ARHGAP22: variants seen among roughly 807,000 people sequenced by gnomAD.
ARHGAP22 encodes Rho GTPase activating protein 22, also known as rho GTPase-activating protein 22.
Under a neutral mutation model 59.1 loss-of-function variants are expected in ARHGAP22, and 48 were observed. The ratio of observed to expected loss-of-function variants is 0.81; its 90% CI spans 0.64 to 1.03. The LOEUF (loss-of-function observed/expected upper bound fraction) is 1.03. Ranked by LOEUF, ARHGAP22 falls within the 50% of genes least tolerant of loss-of-function variation. ARHGAP22 has a pLI of 0.00. For missense variants in ARHGAP22, 1,015 were observed against 958.7 expected (o/e 1.06, Z -0.78); for synonymous variants, 445 against 416.4 (o/e 1.07, Z -0.84).
At chr10:48,648,927 G>T (rs2062432785) in intron 1 of ARHGAP22, among the ~76,000 whole-genome samples, 2 of 152,188 alleles carry the variant, frequency 1.3e-5, no homozygotes, top group Admixed American at 1.3e-4. Context: ...GTGCTGATTG[G>T]ATTTAGGTTG....
upstream of ARHGAP22, among the ~76,000 whole-genome samples, chr10:48,605,426 A>C (rs12766768): frequency 0.021 from 3,128 of 151,092 alleles, 57 homozygotes; most frequent in South Asian, 0.069. Flanking sequence ...AGGAGCAAGC[A>C]GCCCGGCAAT....
chr10:48,463,147 C>CAATT, intron 4 of ARHGAP22, among the ~76,000 whole-genome samples: 1 of 152,326 alleles, frequency 6.6e-6, no homozygotes, highest in Admixed American at 6.5e-5. Flanking sequence ...AAAAAAGCAA[C>CAATT]AATTGCAGAG....
intron 1 of ARHGAP22, among the ~76,000 whole-genome samples, chr10:48,647,847 T>C (rs764655595): frequency 1.3e-5 from 2 of 152,156 alleles, no homozygotes; most frequent in Non-Finnish European, 2.9e-5. Context: ...GGAGTATTAC[T>C]CAGCTACAAA....
chr10:48,434,957 A>G, the ARHGAP22 span: 2 of 1,604,020 alleles, frequency 1.2e-6, no homozygotes, highest in East Asian at 2.3e-5. Flanking sequence ...CAATGTCAAC[A>G]GATCCGACTT....
rs138198691 is a variant in ARHGAP22, at chr10:48,453,241, G to A, written c.988+63C>T. The A allele has an allele frequency of 9.3e-4, 1,496 of 1,604,722 alleles. 12 individuals carry two copies. The African/African-American group carries it at 0.016, about 17-fold the overall frequency. ...GCTGGGATGGTTCCAAGGACTTGCC[G>A]TGGACCAAGATGAGCCCAGACCCCG... On this transcript the variant is annotated intron_variant, in intron 8 of 9. Transcript: ENST00000249601.
chr10:48,508,626 C>G (rs570716433), intron 3 of ARHGAP22, among the ~76,000 whole-genome samples: 1 of 152,252 alleles, frequency 6.6e-6, no homozygotes, highest in Non-Finnish European at 1.5e-5. Flanking sequence ...TCATCAAACC[C>G]TTTGAACAGA....
intron 2 of ARHGAP22, among the ~76,000 whole-genome samples, chr10:48,568,349 T>C (rs1262450383): frequency 7.9e-5 from 12 of 152,206 alleles, no homozygotes. Flanking sequence ...CATGAGATCC[T>C]GGGAGTTTGC....
chr10:48,449,734 C>T (rs1265077769), intron 9 of ARHGAP22, among the ~76,000 whole-genome samples: 1 of 152,218 alleles, frequency 6.6e-6, no homozygotes, highest in Non-Finnish European at 1.5e-5. Context: ...AGATTGTAAG[C>T]CTCAGGGTGC....
At chr10:48,540,819 C>G (rs1365564829) in intron 3 of ARHGAP22, among the ~76,000 whole-genome samples, 1 of 152,008 alleles carries the variant, frequency 6.6e-6, no homozygotes, top group African/African-American at 2.4e-5. Context: ...TTATCACGCA[C>G]TTTTAAAGAA....
chr10:48,480,021 T>C (rs904986577), intron 3 of ARHGAP22, among the ~76,000 whole-genome samples: 1 of 152,192 alleles, frequency 6.6e-6, no homozygotes, highest in Non-Finnish European at 1.5e-5. Flanking sequence ...TTTAATGCAC[T>C]CCAGGACACT....
intron 1 of ARHGAP22, among the ~76,000 whole-genome samples, chr10:48,634,281 C>A (rs74130600): frequency 0.024 from 3,629 of 152,240 alleles, 141 homozygotes; most frequent in African/African-American, 0.083. Context: ...TAGCTGTGAG[C>A]TTTTGGCAAG....
chr10:48,431,326 T>G, the ARHGAP22 span: 6 of 1,159,306 alleles, frequency 5.2e-6, no homozygotes, highest in Non-Finnish European at 7.7e-6. Flanking sequence ...TGTTGTAATC[T>G]TCAGTGGCCT....
At position 48,604,779 on chromosome 10, in the gene ARHGAP22, G is replaced by T; in HGVS notation, c.18C>A (p.Ile6=). 2 of 1,614,242 alleles carry T rather than the reference G, an allele frequency of 1.2e-6. No homozygotes were observed. The highest frequency in any genetic ancestry group is 1.1e-5 in the South Asian group (1 of 91,086). Residue 6 remains isoleucine, a synonymous_variant, in exon 1 of 10, where the codon ATC becomes ATA. Transcript: ENST00000249601. ...TGGACTTACCCCTCCTGGCCTGCCT[G>T]ATCTTTGGGCTCAGCATGTTCTTGC... MLSPK[I]RQARRARSKS...
chr10:48,450,598 C>T lies in ARHGAP22; in HGVS notation c.1531G>A (p.Ala511Thr), dbSNP rs1244368791. 6.5e-7 allele frequency: 1 copy of T among 1,546,714 alleles called. No individual in the cohort carries two copies. Reference sequence around the variant, plus strand: ...TCGCTGGACGAGGCCCCGGACCACGCCATACTGGCCACGCTGGGTATGCCG... The same window carrying T: ...TCGCTGGACGAGGCCCCGGACCACGTCATACTGGCCACGCTGGGTATGCCG... ...VPGIPSVASMAWSGASSSESS... is the reference protein window; with the variant it reads ...VPGIPSVASMTWSGASSSESS... The change falls in exon 9 of 10, where the codon GCG becomes ACG. Residue 511 changes from alanine to threonine, a missense_variant. Physicochemically the swap from Ala to Thr is moderately conservative, Grantham distance 58. Coordinates refer to ENST00000249601, the MANE Select transcript of ARHGAP22 (RefSeq NM_021226.4).
intron 1 of ARHGAP22, among the ~76,000 whole-genome samples, chr10:48,618,276 T>C (rs1407741844): frequency 6.6e-6 from 1 of 151,850 alleles, no homozygotes; most frequent in Non-Finnish European, 1.5e-5. Flanking sequence ...AAAGAAGAAA[T>C]AGTACAATTT....
intron 1 of ARHGAP22, among the ~76,000 whole-genome samples, chr10:48,632,849 T>C (rs1206503773): frequency 6.6e-6 from 1 of 152,216 alleles, no homozygotes; most frequent in Non-Finnish European, 1.5e-5. Context: ...TACCTTGTTG[T>C]AAGGATGAGA....
At chr10:48,518,522 A>G (rs11101363) in intron 3 of ARHGAP22, among the ~76,000 whole-genome samples, 50,848 of 152,232 alleles carry the variant, frequency 0.33, 10,131 homozygotes, top group Middle Eastern at 0.54. Flanking sequence ...CAGACAAACA[A>G]GGAGCAAGGT....
At chr10:48,630,064 T>C (rs1422534340) in intron 1 of ARHGAP22, among the ~76,000 whole-genome samples, 1 of 151,888 alleles carries the variant, frequency 6.6e-6, no homozygotes, top group Admixed American at 6.6e-5. Flanking sequence ...GGGATTGTAC[T>C]GAGTCTATAT....
intron 3 of ARHGAP22, among the ~76,000 whole-genome samples, chr10:48,539,112 G>C (rs1159626838): frequency 1.3e-5 from 2 of 152,100 alleles, no homozygotes; most frequent in Non-Finnish European, 2.9e-5. Flanking sequence ...GTAAACAAAA[G>C]GTTTCAGCAG....
Sources: allele counts gnomAD v4.1 joint callset (sites outside exome capture counted in the v4.1 genomes callset), GRCh38; gene constraint gnomAD v4.1.1; transcripts MANE v1.5; gene names NCBI Gene and HGNC (gene_info 2026-07-23, HGNC 2026-07-21).